BBS4: variants seen among roughly 807,000 people sequenced by gnomAD.
BBS4 encodes BBSome complex member BBS4.
Under a neutral mutation model 71.4 loss-of-function variants are expected in BBS4, and 58 were observed. The ratio of observed to expected loss-of-function variants is 0.81; its 90% CI spans 0.66 to 1.01. BBS4 has a LOEUF of 1.01. Ranked by LOEUF, BBS4 falls within the 50% of genes least tolerant of loss-of-function variation. The pLI is 0.00. For synonymous variants in BBS4, 228 were observed against 216.8 expected (o/e 1.05, Z -0.46); for missense variants, 660 against 607.9 (o/e 1.09, Z -0.90).
chr15:72,722,529 G>A (rs2065596038), intron 6 of BBS4, among the ~76,000 whole-genome samples: 1 of 152,212 alleles, frequency 6.6e-6, no homozygotes, highest in African/African-American at 2.4e-5. Flanking sequence ...GATGGGCTGG[G>A]TATGTGCCCC....
intron 2 of BBS4, among the ~76,000 whole-genome samples, chr15:72,696,296 A>G (rs1379913684): frequency 6.6e-6 from 1 of 152,142 alleles, no homozygotes; most frequent in Non-Finnish European, 1.5e-5. Context: ...ATAATATTTT[A>G]GTTTTAGTTA....
intron 7 of BBS4, among the ~76,000 whole-genome samples, chr15:72,723,131 CAG>C (rs1394916805): frequency 1.3e-5 from 2 of 152,100 alleles, no homozygotes; most frequent in Non-Finnish European, 1.5e-5. Flanking sequence ...AGTTTAGAAA[CAG>C]ATGCTTAATA....
At chr15:72,690,339 T>C (rs1879508644) in intron 1 of BBS4, among the ~76,000 whole-genome samples, 1 of 152,192 alleles carries the variant, frequency 6.6e-6, no homozygotes. Flanking sequence ...TAAAATAATT[T>C]GTTCTATATA....
rs111729851 is a variant in BBS4 at position 72,707,523 on chromosome 15, C to T, written c.77-2177C>T. ...GGACTGTCTCCAACATATTAAAATT[C>T]ACAAAAAATAATATAAACACACATG... On this transcript the variant is annotated intron_variant, in intron 2 of 15. Transcript: ENST00000268057. 4.9e-3 allele frequency among the ~76,000 whole-genome samples: 748 copies of T among 152,170 alleles called. 9 individuals are homozygous for T. Among genetic ancestry groups the T allele is most frequent in the African/African-American group, 0.017 (687 of 41,508 alleles).
chr15:72,707,431 G>A (rs1305386779), intron 2 of BBS4, among the ~76,000 whole-genome samples: 1 of 151,578 alleles, frequency 6.6e-6, no homozygotes, highest in African/African-American at 2.4e-5. Context: ...TGCCCTCCTC[G>A]GTCTCCCAAA....
At chr15:72,719,321 C>G (rs955921103) in intron 6 of BBS4, among the ~76,000 whole-genome samples, 1 of 148,758 alleles carries the variant, frequency 6.7e-6, no homozygotes, top group Admixed American at 6.7e-5. Flanking sequence ...GTGGGGTGAT[C>G]ATAGCTTACT....
chr15:72,716,747 G>T (rs1220496845), intron 5 of BBS4, 31 bp from the exon 6 acceptor site: 1 of 1,497,914 alleles, frequency 6.7e-7, no homozygotes, highest in African/African-American at 1.4e-5. Flanking sequence ...GAATTTTGAG[G>T]TAATAATTAT....
At chr15:72,719,603 G>T (rs957689421) in intron 6 of BBS4, among the ~76,000 whole-genome samples, 5 of 152,040 alleles carry the variant, frequency 3.3e-5, no homozygotes, top group African/African-American at 7.3e-5. Context: ...AAGAGGTAAA[G>T]CAGGAGAGCT....
intron 2 of BBS4, among the ~76,000 whole-genome samples, chr15:72,698,612 A>G (rs755968733): frequency 6.6e-6 from 1 of 152,108 alleles, no homozygotes. Context: ...TATATATCAC[A>G]TTTTGTTTAT....
chr15:72,702,649 G>GAGTCAA (rs2065190921), intron 2 of BBS4, among the ~76,000 whole-genome samples: 1 of 151,862 alleles, frequency 6.6e-6, no homozygotes, highest in Non-Finnish European at 1.5e-5. Flanking sequence ...ATGTATTCTT[G>GAGTCAA]AGTCAATACT....
chr15:72,713,349 A>ACG (rs1045889475), intron 4 of BBS4, among the ~76,000 whole-genome samples: 3 of 112,564 alleles, frequency 2.7e-5, no homozygotes, highest in African/African-American at 5.8e-5. Flanking sequence ...ACACACACAC[A>ACG]CGCACACGCA....
At chr15:72,708,377 A>G (rs1298630393) in intron 2 of BBS4, among the ~76,000 whole-genome samples, 2 of 152,186 alleles carry the variant, frequency 1.3e-5, no homozygotes, top group East Asian at 1.9e-4. Flanking sequence ...TGATTATTTC[A>G]TGGACACTTA....
intron 2 of BBS4, among the ~76,000 whole-genome samples, chr15:72,697,660 G>A (rs1043369641): frequency 1.3e-5 from 2 of 152,214 alleles, no homozygotes; most frequent in African/African-American, 4.8e-5. Context: ...ACAGAAGTTG[G>A]ATTAGCAAGC....
chr15:72,702,223 A>G (rs34661924), intron 2 of BBS4, among the ~76,000 whole-genome samples: 82,135 of 151,922 alleles, frequency 0.54, 23,698 homozygotes, highest in Middle Eastern at 0.67. Context: ...ATATTAGAAA[A>G]TCCTTTATGA....
At chr15:72,718,000 C>T (rs1020786043) in intron 6 of BBS4, among the ~76,000 whole-genome samples, 1 of 152,112 alleles carries the variant, frequency 6.6e-6, no homozygotes, top group Non-Finnish European at 1.5e-5. Context: ...AGGCGCCTGC[C>T]ACCATGCCCG....
chr15:72,708,925 T>C (rs1337110535), intron 2 of BBS4, among the ~76,000 whole-genome samples: 1 of 152,202 alleles, frequency 6.6e-6, no homozygotes, highest in African/African-American at 2.4e-5. Flanking sequence ...TTCTGTTGTT[T>C]AAGATGTTTA....
At chr15:72,708,766 T>A (rs1173161857) in intron 2 of BBS4, among the ~76,000 whole-genome samples, 2 of 152,022 alleles carry the variant, frequency 1.3e-5, no homozygotes, top group Non-Finnish European at 2.9e-5. Flanking sequence ...TTGGAGGAGG[T>A]CTATAGGGCA....
rs140398380 is a variant in BBS4, at chr15:72,737,072, G to A, written c.1450+109G>A. The A allele has an allele frequency of 2.0e-5, 27 of 1,334,054 alleles. No individual in the cohort carries two copies. In the East Asian group the frequency reaches 3.0e-4, roughly 15 times the overall value. 82.6% of individuals were successfully genotyped at this position (1,334,054 alleles called of 1,614,324 possible). On this transcript the variant is annotated intron_variant, in intron 15 of 15. Coordinates refer to ENST00000268057, the MANE Select transcript of BBS4 (RefSeq NM_033028.5). ...TTCTCTTCAGACTCATATGTCCAAC[G>A]TAGTATTGGCCACAAGGGGAGAAAA...
rs765584663 is a variant in BBS4 at position 72,736,918 on chromosome 15, G to C, written c.1405G>C (p.Gly469Arg). The C allele has an allele frequency of 1.2e-6, 2 of 1,614,180 alleles. No homozygotes were observed. The highest frequency in any genetic ancestry group is 2.2e-5 in the East Asian group (1 of 44,882). ...QQPLGSNQAL[G>R]QAMSSAAAYR... ...GCCTCTGGGCTCTAATCAAGCTCTA[G>C]GACAGGCAATGTCTTCAGCAGCTGC... Residue 469 changes from glycine (G) to arginine (R), a missense_variant, in exon 15 of 16, where the codon GGA becomes CGA. Gly to Arg is a moderately radical substitution (Grantham distance 125, BLOSUM62 -2). Transcript: ENST00000268057.
Sources: gnomAD v4.1 joint callset for allele counts (sites outside exome capture counted in the v4.1 genomes callset) on GRCh38, gnomAD v4.1.1 for gene constraint, MANE v1.5 for transcripts, NCBI Gene and HGNC (gene_info 2026-07-23, HGNC 2026-07-21) for gene names.